PREP: variants seen among roughly 807,000 people sequenced by gnomAD.
PREP encodes dJ355L5.1 (prolyl endopeptidase).
Under a neutral mutation model 87.6 loss-of-function variants are expected in PREP, and 29 were observed. The ratio of observed to expected loss-of-function variants is 0.33; its 90% CI spans 0.25 to 0.45. The LOEUF (loss-of-function observed/expected upper bound fraction) is 0.45, where lower values mean the gene tolerates loss of function less well. PREP is among the 20% of genes least tolerant of loss of function. The pLI is 1.00. For synonymous variants in PREP, 337 were observed against 328.6 expected (o/e 1.03, Z -0.28); for missense variants, 695 against 886.5 (o/e 0.78, Z 2.74).
intron 14 of PREP, among the ~76,000 whole-genome samples, chr6:105,279,998 A>G (rs72944139): frequency 0.11 from 16,388 of 152,254 alleles, 1,037 homozygotes; most frequent in African/African-American, 0.16. Flanking sequence ...CTGAAAAGTA[A>G]TAACTTTCAT....
intron 9 of PREP, among the ~76,000 whole-genome samples, chr6:105,325,571 C>T (rs1257889765): frequency 2.0e-5 from 3 of 152,210 alleles, no homozygotes; most frequent in African/African-American, 7.2e-5. Flanking sequence ...CTGTCCTGTG[C>T]ACCAGAAGTG....
intron 10 of PREP, among the ~76,000 whole-genome samples, chr6:105,309,579 T>A (rs1038344496): frequency 6.6e-6 from 1 of 151,920 alleles, no homozygotes; most frequent in East Asian, 1.9e-4. Flanking sequence ...ACTACCTTTT[T>A]TTCTTTTTTC....
At chr6:105,372,366 G>A (rs1772582578) in intron 5 of PREP, among the ~76,000 whole-genome samples, 2 of 152,146 alleles carry the variant, frequency 1.3e-5, no homozygotes, top group Admixed American at 6.5e-5. Flanking sequence ...CTGTGCCCAA[G>A]CTCCTAATCT....
intron 7 of PREP, among the ~76,000 whole-genome samples, chr6:105,335,248 T>G (rs891472528): frequency 1.3e-5 from 2 of 152,236 alleles, no homozygotes. Flanking sequence ...AAAAGTTCTA[T>G]GACTTCTAAA....
Position 105,328,887 on chromosome 6 carries a change from G to GTACC in PREP, c.1151_1154dup (p.Tyr385Ter). On this transcript the variant is annotated stop_gained and frameshift_variant, in exon 9 of 15. Transcript: ENST00000652536. LOFTEE classifies it high-confidence loss of function. ...TTTCAGTGTCCTTCTTCTGACCGCT[G>GTACC]TACCCTACAATGCTGCCGACATCGA... The GTACC allele has an allele frequency of 6.2e-7, 1 of 1,614,162 alleles. No homozygotes were observed. The highest frequency in any genetic ancestry group is 1.3e-5 in the African/African-American group (1 of 75,036).
chr6:105,342,792 GAATAA>G (rs1344326662), intron 7 of PREP, among the ~76,000 whole-genome samples: 1 of 152,164 alleles, frequency 6.6e-6, no homozygotes, highest in African/African-American at 2.4e-5. Flanking sequence ...GCTACAAAGA[GAATAA>G]AATACCTAGG....
At chr6:105,402,379 G>A (rs1234577331) in intron 1 of PREP, among the ~76,000 whole-genome samples, 2 of 151,884 alleles carry the variant, frequency 1.3e-5, no homozygotes, top group Non-Finnish European at 2.9e-5. Flanking sequence ...ACTTTAAAGT[G>A]TAAGTTTTAA....
intron 6 of PREP, among the ~76,000 whole-genome samples, chr6:105,360,932 C>A (rs1295283572): frequency 6.6e-6 from 1 of 152,142 alleles, no homozygotes; most frequent in Non-Finnish European, 1.5e-5. Flanking sequence ...GCTTTACACA[C>A]ACACATACAT....
chr6:105,299,175 G>A (rs188455246), intron 10 of PREP, among the ~76,000 whole-genome samples: 1 of 152,326 alleles, frequency 6.6e-6, no homozygotes, highest in African/African-American at 2.4e-5. Flanking sequence ...GAGGATATAA[G>A]ATAATAATAG....
intron 10 of PREP, among the ~76,000 whole-genome samples, chr6:105,296,034 G>A (rs1407805529): frequency 6.6e-6 from 1 of 152,184 alleles, no homozygotes; most frequent in African/African-American, 2.4e-5. Flanking sequence ...AAGTATACGT[G>A]CACCCAAAAA....
chr6:105,340,028 C>G (rs145078412), intron 7 of PREP, among the ~76,000 whole-genome samples: 31,832 of 151,894 alleles, frequency 0.21, 5,177 homozygotes, highest in African/African-American at 0.46. Flanking sequence ...TTCAAATTCA[C>G]GAAATACAGA....
intron 10 of PREP, among the ~76,000 whole-genome samples, chr6:105,290,901 T>C (rs1320879818): frequency 6.6e-6 from 1 of 152,208 alleles, no homozygotes; most frequent in Non-Finnish European, 1.5e-5. Flanking sequence ...GAAAACTCCT[T>C]ACAAGAAGTT....
chr6:105,296,374 G>T (rs1367563225), intron 10 of PREP, among the ~76,000 whole-genome samples: 10 of 151,148 alleles, frequency 6.6e-5, no homozygotes, highest in Admixed American at 6.6e-4. Context: ...TTTTGTCCCA[G>T]TACACCAACA....
chr6:105,372,094 C>G (rs992715721), intron 5 of PREP, among the ~76,000 whole-genome samples: 3 of 151,948 alleles, frequency 2.0e-5, no homozygotes, highest in Non-Finnish European at 4.4e-5. Context: ...TCTTGTAATT[C>G]ATTGGCGAAT....
rs117010019 is a variant in PREP at position 105,380,874 on chromosome 6, A to C, written c.121-3355T>G. Among the ~76,000 whole-genome samples, 485 of 152,288 alleles carry C rather than the reference A, an allele frequency of 3.2e-3. 22 individuals carry two copies. The East Asian group carries it at 0.08, about 25-fold the overall frequency. On this transcript the variant is annotated intron_variant, in intron 2 of 14. Coordinates refer to ENST00000652536, the MANE Select transcript of PREP (RefSeq NM_002726.5). ...TGGGTCCAAGGGTCAGAGGCTGCTC[A>C]ACAGATTGCTCAGTTCATTTTCCTT...
intron 7 of PREP, among the ~76,000 whole-genome samples, chr6:105,336,146 G>A (rs1470444581): frequency 6.6e-6 from 1 of 152,176 alleles, no homozygotes; most frequent in East Asian, 1.9e-4. Flanking sequence ...TGTAATCCAA[G>A]CTACTTGAGA....
intron 10 of PREP, among the ~76,000 whole-genome samples, chr6:105,303,227 G>C (rs1770582422): frequency 2.6e-5 from 4 of 152,054 alleles, no homozygotes; most frequent in African/African-American, 9.7e-5. Flanking sequence ...ACCACATGCA[G>C]CTAATTTTTT....
chr6:105,352,507 C>T (rs1158013814), intron 7 of PREP, among the ~76,000 whole-genome samples: 1 of 152,158 alleles, frequency 6.6e-6, no homozygotes, highest in Non-Finnish European at 1.5e-5. Flanking sequence ...TGACAGTTTG[C>T]AACATTACGC....
intron 10 of PREP, chr6:105,298,205 G>A (rs1770452966): frequency 6.6e-6 from 1 of 152,262 alleles, no homozygotes; most frequent in African/African-American, 2.4e-5. Flanking sequence ...ACCTGAGAGA[G>A]ACCCAGAAAT....
Sources: gnomAD v4.1 joint callset for allele counts (sites outside exome capture counted in the v4.1 genomes callset) on GRCh38, gnomAD v4.1.1 for gene constraint, MANE v1.5 for transcripts, NCBI Gene and HGNC (gene_info 2026-07-23, HGNC 2026-07-21) for gene names.